The following CLIP1 variants were observed in gnomAD, a reference collection of about 807,000 sequenced individuals.
CLIP1 encodes the protein CAP-Gly domain-containing linker protein 1.
Under a neutral mutation model 161.6 loss-of-function variants are expected in CLIP1, and 66 were observed. The ratio of observed to expected loss-of-function variants is 0.41; its 90% CI spans 0.33 to 0.50. CLIP1 has a LOEUF of 0.50. Ranked by LOEUF, CLIP1 falls within the 20% of genes least tolerant of loss-of-function variation. CLIP1 has a pLI of 0.27. For synonymous variants in CLIP1, 598 were observed against 626.2 expected, an observed-to-expected ratio of 0.96 and a Z score of 0.67; for missense variants, 1,376 against 1,702.0, an observed-to-expected ratio of 0.81 and a Z score of 3.37.
chr12:122,281,579 C>T (rs1955648675), intron 21 of CLIP1, among the ~76,000 whole-genome samples: 1 of 151,742 alleles, frequency 6.6e-6, no homozygotes, highest in African/African-American at 2.4e-5. Flanking sequence ...GCTTGTTGTC[C>T]CAGCTACTAG....
At position 122,364,110 on chromosome 12, in the gene CLIP1, G is replaced by A; in HGVS notation, c.658-3C>T. 1.2e-6 allele frequency: 2 copies of A among 1,613,704 alleles called. No individual in the cohort carries two copies. The highest frequency in any genetic ancestry group is 1.7e-6 in the Non-Finnish European group (2 of 1,179,888). On this transcript the variant is annotated splice_region_variant and splice_polypyrimidine_tract_variant and intron_variant, in intron 3 of 25. Coordinates refer to ENST00000620786, the MANE Select transcript of CLIP1 (RefSeq NM_001247997.2). ...ACACCAGCCTTAGTGCCACCAACCT[G>A]GAAGAAGAGAAGGTTAAAATAAAGA...
intron 5 of CLIP1, among the ~76,000 whole-genome samples, chr12:122,357,127 C>T (rs924947865): frequency 4.6e-5 from 7 of 151,820 alleles, no homozygotes; most frequent in Non-Finnish European, 5.9e-5. Context: ...CGTCTCTGCC[C>T]GGCCGCCATC....
chr12:122,349,359 C>T (rs560041665), intron 9 of CLIP1, among the ~76,000 whole-genome samples: 93 of 152,368 alleles, frequency 6.1e-4, no homozygotes, highest in African/African-American at 2.1e-3. Context: ...GCGTAGCCAA[C>T]GCCTCCTTAC....
At chr12:122,327,395 T>A (rs1180811582) in intron 17 of CLIP1, among the ~76,000 whole-genome samples, 6 of 152,178 alleles carry the variant, frequency 3.9e-5, no homozygotes, top group Admixed American at 3.9e-4. Context: ...CTCCCTGCCC[T>A]TGAATCCAGC....
At chr12:122,361,632 C>A (rs1428190681) in intron 4 of CLIP1, among the ~76,000 whole-genome samples, 1 of 152,062 alleles carries the variant, frequency 6.6e-6, no homozygotes, top group Non-Finnish European at 1.5e-5. Flanking sequence ...TGTGGGAGGC[C>A]GAGGCGGCAG....
In CLIP1 at chr12:122,328,035, G is replaced by C. The variant is rs1420187920; in HGVS notation, c.3161C>G (p.Thr1054Arg). ...LQNLQKTLLD[T>R]EDKLKGAREE... ...CCGTGCGCCCTTCAGCTTGTCCTCT[G>C]TGTCCAGCAGCGTCTTCTGGAGGTT... Residue 1054 changes from threonine to arginine, a missense_variant, in exon 17 of 26, where the codon ACA (threonine) becomes AGA (arginine). This residue lies in a region of CLIP1 where 948 missense variants were observed against 1,134.8 expected (regional missense o/e 0.84). Transcript: ENST00000620786. The C allele has an allele frequency of 2.5e-6, 4 of 1,614,048 alleles. No individual in the cohort carries two copies. The highest frequency in any genetic ancestry group is 2.7e-5 in the African/African-American group (2 of 74,916).
At chr12:122,385,980 G>A (rs1050608882) in intron 1 of CLIP1, among the ~76,000 whole-genome samples, 8 of 152,064 alleles carry the variant, frequency 5.3e-5, no homozygotes, top group Non-Finnish European at 1.2e-4. Flanking sequence ...AGTTTGGGAT[G>A]GAAAGAAATC....
chr12:122,288,439 C>A, intron 21 of CLIP1, 50 bp downstream of exon 21: 1 of 1,492,296 alleles, frequency 6.7e-7, no homozygotes, highest in South Asian at 1.2e-5. Context: ...ATATCATGTT[C>A]TGACATCTTA....
intron 5 of CLIP1, among the ~76,000 whole-genome samples, chr12:122,360,654 T>C (rs78796756): frequency 0.021 from 3,190 of 152,232 alleles, 107 homozygotes; most frequent in African/African-American, 0.073. Context: ...AATAATTTCA[T>C]AGAAAATAAT....
chr12:122,335,689 C>A (rs1388836286), intron 12 of CLIP1, among the ~76,000 whole-genome samples: 1 of 151,974 alleles, frequency 6.6e-6, no homozygotes, highest in Non-Finnish European at 1.5e-5. Flanking sequence ...CGCCTGTAAT[C>A]CCAGCTACTC....
At chr12:122,356,519 C>T (rs1459965582) in intron 5 of CLIP1, among the ~76,000 whole-genome samples, 1 of 152,286 alleles carries the variant, frequency 6.6e-6, no homozygotes, top group South Asian at 2.1e-4. Flanking sequence ...GATTCCAAGG[C>T]TTGACTAGAT....
rs202071559 is a variant in CLIP1 at position 122,377,763 on chromosome 12, G to A, written c.283C>T (p.Pro95Ser). 1.2e-6 allele frequency: 2 copies of A among 1,613,872 alleles called. No homozygotes were observed. The highest frequency in any genetic ancestry group is 4.5e-5 in the East Asian group (2 of 44,864). ...ACCGAACCATCGTTCTTGCCTATGG[G>A]TTCATCTAAAACAATTCCAGCCCAC... ...GQWAGIVLDE[P>S]IGKNDGSVAG... The change falls in exon 3 of 26, where the codon CCC (proline) becomes TCC (serine). Residue 95 changes from proline to serine, a missense_variant. This residue lies in a region of CLIP1 where 27 missense variants were observed against 64.1 expected (regional missense o/e 0.42). Coordinates refer to ENST00000620786, the MANE Select transcript of CLIP1 (RefSeq NM_001247997.2).
intron 17 of CLIP1, among the ~76,000 whole-genome samples, chr12:122,321,584 T>C (rs1951506363): frequency 6.6e-6 from 1 of 152,010 alleles, no homozygotes; most frequent in African/African-American, 2.4e-5. Flanking sequence ...AATGGCATGA[T>C]CTCGGTTTCC....
chr12:122,377,194 G>C (rs546853298), intron 3 of CLIP1, among the ~76,000 whole-genome samples, 195 bp downstream of exon 3: 9 of 151,848 alleles, frequency 5.9e-5, no homozygotes, highest in African/African-American at 2.2e-4. Flanking sequence ...ATTTTTAGTA[G>C]AGACAGGGTT....
At chr12:122,383,950 C>A (rs942158534) in intron 1 of CLIP1, among the ~76,000 whole-genome samples, 1 of 152,094 alleles carries the variant, frequency 6.6e-6, no homozygotes, top group African/African-American at 2.4e-5. Context: ...AGACAAACTA[C>A]CCTTCTCCCC....
intron 1 of CLIP1, among the ~76,000 whole-genome samples, chr12:122,418,954 CTCTTGTAATGTTAACAAA>C (rs1342952100): frequency 7.9e-5 from 12 of 152,136 alleles, no homozygotes; most frequent in Admixed American, 7.9e-4. Flanking sequence ...AGACAAAATT[CTCTTGTAATGTTAACAAA>C]TATTAAACCC....
chr12:122,418,057 C>T (rs1369744400), intron 1 of CLIP1, among the ~76,000 whole-genome samples: 2 of 152,050 alleles, frequency 1.3e-5, no homozygotes, highest in Non-Finnish European at 2.9e-5. Flanking sequence ...ACTTTCCCTT[C>T]TCTGATTGTT....
intron 21 of CLIP1, among the ~76,000 whole-genome samples, chr12:122,282,127 TAAGA>T (rs899423720): frequency 1.6e-4 from 24 of 152,192 alleles, no homozygotes; most frequent in African/African-American, 5.8e-4. Context: ...CGTGCATGGT[TAAGA>T]AAGAAATTTG....
At chr12:122,406,267 G>A (rs895724071) in intron 1 of CLIP1, among the ~76,000 whole-genome samples, 6 of 152,094 alleles carry the variant, frequency 3.9e-5, no homozygotes, top group Non-Finnish European at 7.4e-5. Context: ...GAAACATGGC[G>A]AAACCCTGTC....
Sources: gnomAD v4.1 joint callset for allele counts (sites outside exome capture counted in the v4.1 genomes callset) on GRCh38, gnomAD v4.1.1 for gene constraint, gnomAD v4.1.1 regional missense constraint, MANE v1.5 for transcripts, NCBI Gene and HGNC (gene_info 2026-07-23, HGNC 2026-07-21) for gene names.